The following ITPR2 variants were observed in gnomAD, a reference collection of about 807,000 sequenced individuals.
The protein encoded by ITPR2 is inositol 1,4,5-trisphosphate receptor type 2.
ITPR2 carries 207 observed loss-of-function variants against 317.1 expected under a neutral mutation model. That is an observed-to-expected ratio of 0.65 (90% confidence interval 0.58 to 0.73). The LOEUF (loss-of-function observed/expected upper bound fraction) is 0.73. Among genes scored for constraint, ITPR2 ranks in the 30% least tolerant of loss-of-function variants. The pLI, the probability that ITPR2 is intolerant of heterozygous loss-of-function variation, is 0.00. For synonymous variants in ITPR2, 1,156 were observed against 1,149.1 expected (o/e 1.01, Z -0.12); for missense variants, 2,613 against 3,284.0 (o/e 0.80, Z 4.99).
chr12:26,677,540 C>T (rs973361380), intron 13 of ITPR2, among the ~76,000 whole-genome samples: 2 of 151,846 alleles, frequency 1.3e-5, no homozygotes, highest in Non-Finnish European at 2.9e-5. Flanking sequence ...GTTGAAGCTG[C>T]AGTGAGCCAT....
rs117718577 is a variant in ITPR2 at position 26,601,922 on chromosome 12, G to A, written c.3678+448C>T. Among the ~76,000 whole-genome samples, 1,056 of 152,276 alleles carry A rather than the reference G, an allele frequency of 6.9e-3. 8 individuals are homozygous for A. The highest frequency in any genetic ancestry group is 0.013 in the Admixed American group (201 of 15,294). ...ATGTCCCTGCCAAAGATGCCTAACT[G>A]TATTAATCACGAGGAAACATCAGAT... On this transcript the variant is annotated intron_variant, in intron 28 of 56. Transcript: ENST00000381340.
chr12:26,644,430 C>T (rs551126975), intron 21 of ITPR2, among the ~76,000 whole-genome samples: 4 of 152,254 alleles, frequency 2.6e-5, no homozygotes, highest in Admixed American at 2.6e-4. Context: ...AATCTGCTGG[C>T]ACCATTATAT....
chr12:26,506,312 T>G (rs1346610972), intron 37 of ITPR2, among the ~76,000 whole-genome samples: 1 of 151,678 alleles, frequency 6.6e-6, no homozygotes, highest in Non-Finnish European at 1.5e-5. Context: ...AGTTTACGAC[T>G]GGCCTGGGAA....
Position 26,597,110 on chromosome 12 carries a change from G to C in ITPR2, c.4027C>G (p.Leu1343Val). The change falls in exon 31 of 57, where the codon CTG (leucine) becomes GTG (valine). Residue 1343 changes from leucine to valine, a missense_variant. Transcript: ENST00000381340. ...GATGCTCTATCATTGTAAAATATCAGCACGTCTTCACCCCCATTTATCAAC... is the reference window on the plus strand; with the variant it reads ...GATGCTCTATCATTGTAAAATATCACCACGTCTTCACCCCCATTTATCAAC... Reference protein sequence around the residue: ...TELINGGEDVLIFYNDRASFP... With the variant: ...TELINGGEDVVIFYNDRASFP... 1 of 1,613,762 alleles carries C rather than the reference G, an allele frequency of 6.2e-7. No individual in the cohort carries two copies. The highest frequency in any genetic ancestry group is 8.5e-7 in the Non-Finnish European group (1 of 1,179,884).
chr12:26,607,140 T>C (rs552035420), intron 26 of ITPR2, among the ~76,000 whole-genome samples: 3 of 152,304 alleles, frequency 2.0e-5, no homozygotes, highest in African/African-American at 4.8e-5. Flanking sequence ...CTCAGCAAAG[T>C]TGCCAAGTTA....
chr12:26,507,322 A>G (rs1474103902), intron 37 of ITPR2, among the ~76,000 whole-genome samples: 1 of 152,214 alleles, frequency 6.6e-6, no homozygotes, highest in Admixed American at 6.5e-5. Flanking sequence ...TGCCTGAGCT[A>G]ATTAAAGGGG....
At chr12:26,530,933 T>C (rs1312679813) in intron 37 of ITPR2, among the ~76,000 whole-genome samples, 1 of 152,254 alleles carries the variant, frequency 6.6e-6, no homozygotes, top group African/African-American at 2.4e-5. Flanking sequence ...TCATAAATTT[T>C]TTCAGAGTTA....
chr12:26,675,583 T>G (rs1273075893), intron 13 of ITPR2, among the ~76,000 whole-genome samples: 2 of 152,074 alleles, frequency 1.3e-5, no homozygotes, highest in African/African-American at 2.4e-5. Flanking sequence ...CATTGGGAGA[T>G]ATACCTAATG....
intron 23 of ITPR2, 22 bp downstream of exon 23, chr12:26,628,010 TA>T (rs770150680): frequency 1.3e-6 from 2 of 1,578,762 alleles, no homozygotes; most frequent in South Asian, 2.4e-5. Context: ...ATAAAAAGAG[TA>T]AATACTGTCA....
intron 39 of ITPR2, among the ~76,000 whole-genome samples, chr12:26,489,219 A>T (rs1269171040): frequency 6.6e-6 from 1 of 152,214 alleles, no homozygotes; most frequent in Non-Finnish European, 1.5e-5. Flanking sequence ...TACCTCCATT[A>T]GCTGCATAGA....
At chr12:26,627,926 A>G in intron 23 of ITPR2, 107 bp downstream of exon 23, 1 of 1,070,514 alleles carries the variant, frequency 9.3e-7, no homozygotes, top group East Asian at 2.6e-5. Context: ...TATAATAAAA[A>G]AATTTAAAAA....
At chr12:26,549,942 C>T (rs1394185251) in intron 37 of ITPR2, among the ~76,000 whole-genome samples, 1 of 151,892 alleles carries the variant, frequency 6.6e-6, no homozygotes, top group Non-Finnish European at 1.5e-5. Context: ...ATCTCAGTTA[C>T]TCATTGTTTA....
At position 26,436,211 on chromosome 12, in the gene ITPR2, G is replaced by A. The variant is rs770042358; in HGVS notation, c.6769+10C>T. On this transcript the variant is annotated intron_variant, in intron 48 of 56. Coordinates refer to ENST00000381340, the MANE Select transcript of ITPR2 (RefSeq NM_002223.4). ...AAATATTTATATTTTAAGGAAAAAC[G>A]AGCACTTGCCTTCATCTCCATCATC... 1.0e-5 allele frequency: 16 copies of A among 1,565,910 alleles called. No homozygotes were observed. In the Admixed American group the frequency reaches 1.5e-4, roughly 14 times the overall value.
At chr12:26,362,588 C>T (rs1447656505) in intron 55 of ITPR2, among the ~76,000 whole-genome samples, 1 of 152,130 alleles carries the variant, frequency 6.6e-6, no homozygotes, top group Non-Finnish European at 1.5e-5. Flanking sequence ...TTTCTTATGA[C>T]TCTCAAATCA....
chr12:26,484,008 T>C, intron 41 of ITPR2, 110 bp from the exon 42 acceptor site: 2 of 917,884 alleles, frequency 2.2e-6, no homozygotes, highest in Non-Finnish European at 3.3e-6. Flanking sequence ...AAGAAAAGTA[T>C]TCGCATTTAT....
intron 13 of ITPR2, among the ~76,000 whole-genome samples, chr12:26,677,948 G>T (rs1480094101): frequency 6.6e-6 from 1 of 152,148 alleles, no homozygotes; most frequent in Non-Finnish European, 1.5e-5. Context: ...CTATCATGGG[G>T]AATGAGAACC....
intron 55 of ITPR2, among the ~76,000 whole-genome samples, chr12:26,362,996 G>A (rs879497538): frequency 8.5e-5 from 13 of 152,172 alleles, no homozygotes; most frequent in African/African-American, 2.7e-4. Context: ...CACGAGTCAC[G>A]TAGATCAGGG....
intron 37 of ITPR2, among the ~76,000 whole-genome samples, chr12:26,541,144 CT>C (rs1944247075): frequency 3.0e-5 from 1 of 33,854 alleles, no homozygotes; most frequent in Non-Finnish European, 9.3e-5. Flanking sequence ...CCCATCTCTG[CT>C]TAAAAAAAAA....
intron 15 of ITPR2, 106 bp from the exon 16 acceptor site, chr12:26,659,391 C>T: frequency 1.0e-6 from 1 of 998,640 alleles, no homozygotes; most frequent in Non-Finnish European, 1.5e-6. Flanking sequence ...AGAAGGTTCA[C>T]TAAAAATTTT....
Sources: gnomAD v4.1 joint callset for allele counts (sites outside exome capture counted in the v4.1 genomes callset) on GRCh38, gnomAD v4.1.1 for gene constraint, MANE v1.5 for transcripts, NCBI Gene and HGNC (gene_info 2026-07-23, HGNC 2026-07-21) for gene names.